The following CLSTN2 variants were observed in gnomAD, a reference collection of about 807,000 sequenced individuals.
The protein encoded by CLSTN2 is calsyntenin-2.
Under a neutral mutation model 101.2 loss-of-function variants are expected in CLSTN2, and 48 were observed. That is an observed-to-expected ratio of 0.47 (90% CI 0.38 to 0.60). CLSTN2 has a LOEUF of 0.60. Among genes scored for constraint, CLSTN2 ranks in the 20% least tolerant of loss-of-function variants. The pLI is 0.00. For synonymous variants in CLSTN2, 481 were observed against 463.6 expected (o/e 1.04, Z -0.48); for missense variants, 1,160 against 1,238.2 (o/e 0.94, Z 0.95).
chr3:140,490,297 G>A (rs1043758505), intron 8 of CLSTN2, among the ~76,000 whole-genome samples: 2 of 150,366 alleles, frequency 1.3e-5, no homozygotes, highest in Non-Finnish European at 3.0e-5. Context: ...ATCTCCTTAT[G>A]AAGGAAGGAT....
At chr3:140,128,984 A>C (rs1206494741) in intron 1 of CLSTN2, among the ~76,000 whole-genome samples, 1 of 152,162 alleles carries the variant, frequency 6.6e-6, no homozygotes. Context: ...GGTAGAGTCA[A>C]TAGTGTTTCG....
chr3:140,046,546 T>C (rs959385264), intron 1 of CLSTN2, among the ~76,000 whole-genome samples: 59 of 152,342 alleles, frequency 3.9e-4, no homozygotes, highest in African/African-American at 1.4e-3. Flanking sequence ...GTGAATTTGA[T>C]CCTGTCATTA....
At chr3:140,517,449 T>C (rs59359471) in intron 8 of CLSTN2, among the ~76,000 whole-genome samples, 21,420 of 152,228 alleles carry the variant, frequency 0.14, 1,615 homozygotes, top group African/African-American at 0.16. Flanking sequence ...GGATAGACTA[T>C]GTCAGAGGGA....
intron 1 of CLSTN2, among the ~76,000 whole-genome samples, chr3:140,074,603 A>C (rs2008455051): frequency 6.6e-6 from 1 of 152,186 alleles, no homozygotes; most frequent in Non-Finnish European, 1.5e-5. Context: ...AGTACTCTTT[A>C]ATGTTCATGA....
At chr3:140,316,947 C>T (rs2087236754) in intron 2 of CLSTN2, among the ~76,000 whole-genome samples, 1 of 152,096 alleles carries the variant, frequency 6.6e-6, no homozygotes, top group Non-Finnish European at 1.5e-5. Flanking sequence ...TGAAATAATG[C>T]AGGGTAGGCT....
At chr3:140,053,762 A>C (rs1478529097) in intron 1 of CLSTN2, among the ~76,000 whole-genome samples, 10 of 152,074 alleles carry the variant, frequency 6.6e-5, no homozygotes, top group Admixed American at 5.2e-4. Context: ...TCACCTTCAT[A>C]AGCCTGTTTC....
intron 5 of CLSTN2, among the ~76,000 whole-genome samples, chr3:140,431,462 T>C (rs1033318562): frequency 6.6e-6 from 1 of 152,130 alleles, no homozygotes; most frequent in African/African-American, 2.4e-5. Context: ...CATATACCCT[T>C]CCATTCAATA....
chr3:139,940,461 T>G (rs1429357032), intron 1 of CLSTN2, among the ~76,000 whole-genome samples: 1 of 152,210 alleles, frequency 6.6e-6, no homozygotes, highest in African/African-American at 2.4e-5. Context: ...GTTTGGGGCA[T>G]GTAAAATGCA....
At chr3:140,527,106 G>A (rs772594305) in intron 8 of CLSTN2, among the ~76,000 whole-genome samples, 1 of 152,086 alleles carries the variant, frequency 6.6e-6, no homozygotes, top group African/African-American at 2.4e-5. Context: ...AAATTGAAGG[G>A]CTTCTTCATA....
chr3:140,061,412 C>A (rs1256538692), intron 1 of CLSTN2, among the ~76,000 whole-genome samples: 3 of 152,156 alleles, frequency 2.0e-5, no homozygotes, highest in Non-Finnish European at 1.5e-5. Context: ...TTCCTACATC[C>A]CTGACTTTCT....
chr3:140,498,334 A>G (rs992959440), intron 8 of CLSTN2, among the ~76,000 whole-genome samples: 4 of 152,132 alleles, frequency 2.6e-5, no homozygotes, highest in African/African-American at 9.7e-5. Flanking sequence ...TTCAGGGACA[A>G]TCAGGGAGCC....
rs546635351 is a variant in CLSTN2 at position 140,233,512 on chromosome 3, A to G, written c.232+57439A>G. Among the ~76,000 whole-genome samples the G allele has an allele frequency of 6.2e-3, 945 of 152,300 alleles. 16 individuals are homozygous for G. Among genetic ancestry groups the G allele is most frequent in the African/African-American group, 0.021 (891 of 41,560 alleles). On this transcript the variant is annotated intron_variant, in intron 2 of 16. Transcript: ENST00000458420. The stretch of plus-strand genomic sequence containing the variant: ...TCATTATTTATCCCATATTTATCTT[A>G]CCTGCCATATAGTAGTCATTCAGTA...
intron 1 of CLSTN2, among the ~76,000 whole-genome samples, chr3:140,021,525 G>A (rs552811466): frequency 2.6e-5 from 4 of 152,186 alleles, no homozygotes; most frequent in South Asian, 2.1e-4. Context: ...TAGAACCACC[G>A]GTGTGTACCT....
chr3:140,033,915 C>T (rs574983074), intron 1 of CLSTN2, among the ~76,000 whole-genome samples: 1 of 152,238 alleles, frequency 6.6e-6, no homozygotes, highest in African/African-American at 2.4e-5. Flanking sequence ...AAATAATTAG[C>T]TTTACCTTAA....
At chr3:140,262,317 G>A (rs942220216) in intron 2 of CLSTN2, among the ~76,000 whole-genome samples, 2 of 152,204 alleles carry the variant, frequency 1.3e-5, no homozygotes, top group African/African-American at 4.8e-5. Context: ...CCCATAGGAT[G>A]CCAGTCAGCA....
chr3:140,516,812 C>T (rs1054297728), intron 8 of CLSTN2, among the ~76,000 whole-genome samples: 3 of 152,140 alleles, frequency 2.0e-5, no homozygotes, highest in African/African-American at 7.2e-5. Flanking sequence ...TGTGCTTAGG[C>T]AATGATCTTT....
intron 2 of CLSTN2, among the ~76,000 whole-genome samples, chr3:140,296,127 C>T (rs569725313): frequency 1.2e-4 from 19 of 152,156 alleles, no homozygotes; most frequent in Admixed American, 3.3e-4. Flanking sequence ...ATCTACCACC[C>T]GCAACTTCAT....
intron 10 of CLSTN2, among the ~76,000 whole-genome samples, chr3:140,548,417 C>T (rs1302054830): frequency 1.3e-5 from 2 of 152,192 alleles, no homozygotes; most frequent in African/African-American, 4.8e-5. Context: ...GAGATGGGAA[C>T]TTGCGTAAGA....
intron 8 of CLSTN2, among the ~76,000 whole-genome samples, chr3:140,529,824 G>A (rs1406018519): frequency 1.3e-5 from 2 of 152,158 alleles, no homozygotes; most frequent in African/African-American, 4.8e-5. Context: ...TCTCCCTGTT[G>A]ATGTTGGAGA....
Sources: allele counts gnomAD v4.1 joint callset (sites outside exome capture counted in the v4.1 genomes callset), GRCh38; gene constraint gnomAD v4.1.1; transcripts MANE v1.5; gene names NCBI Gene and HGNC (gene_info 2026-07-23, HGNC 2026-07-21).